TTC28: variants seen among roughly 807,000 people sequenced by gnomAD.
TTC28 encodes tetratricopeptide repeat domain 28, also known as tetratricopeptide repeat protein 28.
In TTC28, 61 loss-of-function variants were observed where a neutral mutation model predicts 198.0. The ratio of observed to expected loss-of-function variants is 0.31; its 90% CI spans 0.25 to 0.38. The LOEUF is 0.38. TTC28 is among the 10% of genes least tolerant of loss of function. The pLI, the probability that TTC28 is intolerant of heterozygous loss-of-function variation, is 1.00. For missense variants in TTC28, 2,678 were observed against 3,164.0 expected, an observed-to-expected ratio of 0.85 and a Z score of 3.69; for synonymous variants, 1,171 against 1,297.8, an observed-to-expected ratio of 0.90 and a Z score of 2.10.
chr22:28,389,675 T>G (rs201977210), intron 2 of TTC28, among the ~76,000 whole-genome samples: 14,502 of 150,318 alleles, frequency 0.096, 800 homozygotes, highest in African/African-American at 0.12. Flanking sequence ...ATTTCTGTGG[T>G]ATCAGTGGTG....
intron 2 of TTC28, among the ~76,000 whole-genome samples, chr22:28,335,460 C>G (rs911424792): frequency 6.6e-6 from 1 of 152,108 alleles, no homozygotes; most frequent in Non-Finnish European, 1.5e-5. Context: ...TTGCCATTTC[C>G]ACAATATTGA....
chr22:28,355,624 C>T (rs563189213), intron 2 of TTC28, among the ~76,000 whole-genome samples: 2 of 152,296 alleles, frequency 1.3e-5, no homozygotes, highest in East Asian at 3.9e-4. Flanking sequence ...CTTTCAAGTT[C>T]TAATAAATAT....
At chr22:28,242,985 TC>T (rs1344523771) in intron 5 of TTC28, among the ~76,000 whole-genome samples, 1 of 149,420 alleles carries the variant, frequency 6.7e-6, no homozygotes, top group African/African-American at 2.5e-5. Flanking sequence ...ATATTTAAAA[TC>T]CTTTAAAAAT....
At chr22:28,250,681 T>C (rs1359327205) in intron 5 of TTC28, among the ~76,000 whole-genome samples, 1 of 152,220 alleles carries the variant, frequency 6.6e-6, no homozygotes, top group Admixed American at 6.5e-5. Flanking sequence ...TAGAGAATAT[T>C]AGCAAAGGAA....
At chr22:28,285,903 C>A (rs576632434) in intron 5 of TTC28, among the ~76,000 whole-genome samples, 5 of 152,110 alleles carry the variant, frequency 3.3e-5, no homozygotes, top group Non-Finnish European at 5.9e-5. Flanking sequence ...TGAATTTCAA[C>A]AGTGGATGAA....
At chr22:27,992,825 C>CAGCGTGGTCTCCCAGGA (rs1401520727) in intron 18 of TTC28, 162 bp from the exon 19 acceptor site, 3 of 701,326 alleles carry the variant, frequency 4.3e-6, no homozygotes, top group Non-Finnish European at 7.0e-6. Flanking sequence ...TGGAAAAGGA[C>CAGCGTGGTCTCCCAGGA]AGCGTGGTCT....
intron 5 of TTC28, among the ~76,000 whole-genome samples, chr22:28,193,776 G>T (rs1925121349): frequency 6.6e-6 from 1 of 152,156 alleles, no homozygotes. Flanking sequence ...GGAGCATCCA[G>T]ATTCATAAAT....
intron 2 of TTC28, among the ~76,000 whole-genome samples, chr22:28,507,972 A>C (rs2048635980): frequency 1.3e-5 from 2 of 152,246 alleles, no homozygotes; most frequent in South Asian, 2.1e-4. Flanking sequence ...TACATAGACC[A>C]GTGACACTAT....
chr22:28,386,964 G>A lies in TTC28; in HGVS notation c.382-80321C>T, dbSNP rs367570186. On this transcript the variant is annotated intron_variant, in intron 2 of 22. Coordinates refer to ENST00000397906, the MANE Select transcript of TTC28 (RefSeq NM_001145418.2). ...CCCACTAACTTGTCATCTAGCATTA[G>A]GTATATCACCCAATGCTATCCCTCC... Among the ~76,000 whole-genome samples the A allele has an allele frequency of 8.7e-4, 133 of 152,048 alleles. 3 individuals carry two copies. Among genetic ancestry groups the A allele is most frequent in the African/African-American group, 2.9e-3 (122 of 41,462 alleles).
At chr22:28,417,884 T>C (rs2047191211) in intron 2 of TTC28, among the ~76,000 whole-genome samples, 1 of 152,158 alleles carries the variant, frequency 6.6e-6, no homozygotes, top group South Asian at 2.1e-4. Flanking sequence ...GCTTTGAAAA[T>C]ATTAGCCATC....
At chr22:28,018,731 G>A (rs1938480500) in intron 13 of TTC28, among the ~76,000 whole-genome samples, 1 of 152,192 alleles carries the variant, frequency 6.6e-6, no homozygotes, top group Non-Finnish European at 1.5e-5. Flanking sequence ...TGGCAGGCAG[G>A]AAACCAAGGC....
At position 27,983,520 on chromosome 22, in the gene TTC28, G is replaced by A. The variant is rs549367773; in HGVS notation, c.6147C>T (p.Gly2049=). The A allele has an allele frequency of 2.6e-6, 4 of 1,550,026 alleles. No homozygotes were observed. The East Asian group carries it at 9.8e-5, about 38-fold the overall frequency. The change falls in exon 23 of 23, where the codon GGC becomes GGT. Residue 2049 remains glycine, a synonymous_variant. Coordinates refer to ENST00000397906, the MANE Select transcript of TTC28 (RefSeq NM_001145418.2). ...CTTCATATTCTTCTTCATCTTTGTTGCCTGCAGGGCGGGTCTGGGGAGGCA... is the reference window on the plus strand; with the variant it reads ...CTTCATATTCTTCTTCATCTTTGTTACCTGCAGGGCGGGTCTGGGGAGGCA... ...SQLPPQTRPA[G]NKDEEEYEGF...
In TTC28 at chr22:28,460,552, A is replaced by ATATG. The variant is rs746237977; in HGVS notation, c.382-153913_382-153910dup. On this transcript the variant is annotated intron_variant, in intron 2 of 22. Transcript: ENST00000397906. ...GGAGCTATCTAATATGTATATATAT[A>ATATG]TATGTATGTATGTATGTATGTACAT... is the stretch of plus-strand genomic sequence containing the variant. Among the ~76,000 whole-genome samples the ATATG allele has an allele frequency of 3.7e-3, 568 of 151,942 alleles. 7 individuals carry two copies. Among genetic ancestry groups the ATATG allele is most frequent in the African/African-American group, 0.011 (473 of 41,398 alleles).
At chr22:28,475,879 G>T (rs1176215425) in intron 2 of TTC28, among the ~76,000 whole-genome samples, 1 of 152,138 alleles carries the variant, frequency 6.6e-6, no homozygotes, top group Non-Finnish European at 1.5e-5. Flanking sequence ...GTAAAATACA[G>T]TGTTCCTTTC....
chr22:27,998,480 G>C (rs1937590354), intron 16 of TTC28, 60 bp downstream of exon 16: 1 of 1,494,854 alleles, frequency 6.7e-7, no homozygotes, highest in Non-Finnish European at 8.9e-7. Flanking sequence ...ATAAAGTCGG[G>C]GGGCTGTGAG....
rs1424711205 is a variant in TTC28 at position 27,978,510 on chromosome 22, G to A, written c.*3711C>T. 6.6e-6 allele frequency: 1 copy of A among 152,310 alleles called. No individual in the cohort carries two copies. The highest frequency in any genetic ancestry group is 1.5e-5 in the Non-Finnish European group (1 of 68,102). 9.4% of individuals were successfully genotyped at this position (152,310 alleles called of 1,614,324 possible). ...TGTGTGGCTGGGAGGTGGCAGAATC[G>A]GCACGGGCCAGGGACCGGCTGCAGT... On this transcript the variant is annotated 3_prime_UTR_variant, in exon 23 of 23. Coordinates refer to ENST00000397906, the MANE Select transcript of TTC28 (RefSeq NM_001145418.2).
intron 2 of TTC28, among the ~76,000 whole-genome samples, chr22:28,590,319 C>T (rs573179541): frequency 1.8e-4 from 27 of 151,820 alleles, no homozygotes; most frequent in Admixed American, 1.2e-3. Flanking sequence ...TTAGTAGAGA[C>T]GGGGTTTCAC....
At position 28,086,061 on chromosome 22, in the gene TTC28, T is replaced by A. The variant is rs367678594; in HGVS notation, c.3932+8019A>T. Among the ~76,000 whole-genome samples, 166 of 152,072 alleles carry A rather than the reference T, an allele frequency of 1.1e-3. 1 individual carries two copies. Among genetic ancestry groups the A allele is most frequent in the Non-Finnish European group, 2.0e-3 (137 of 67,938 alleles). On this transcript the variant is annotated intron_variant, in intron 12 of 22. Transcript: ENST00000397906. ...AGACTTAGACTCCCACACAATAATA[T>A]TGGGAGACTTTAACACCCCACTGTC...
intron 12 of TTC28, among the ~76,000 whole-genome samples, chr22:28,062,052 C>A (rs2146740911): frequency 6.6e-6 from 1 of 151,960 alleles, no homozygotes; most frequent in East Asian, 1.9e-4. Context: ...AACTTTAAGT[C>A]TACTATCTTT....
Sources: allele counts gnomAD v4.1 joint callset (sites outside exome capture counted in the v4.1 genomes callset), GRCh38; gene constraint gnomAD v4.1.1; transcripts MANE v1.5; gene names NCBI Gene and HGNC (gene_info 2026-07-23, HGNC 2026-07-21).